SERTAD2: variants seen among roughly 807,000 people sequenced by gnomAD.
The protein encoded by SERTAD2 is SERTA domain-containing protein 2.
Under a neutral mutation model 15.4 loss-of-function variants are expected in SERTAD2, and 2 were observed. The ratio of observed to expected loss-of-function variants is 0.13; its 90% confidence interval spans 0.05 to 0.41. SERTAD2 has a LOEUF of 0.41. Among genes scored for constraint, SERTAD2 ranks in the 10% least tolerant of loss-of-function variants. The probability of loss-of-function intolerance (pLI) is 0.99; values close to 1 mark genes in which losing one functional copy is unlikely to be tolerated. For missense variants in SERTAD2, 333 were observed against 409.7 expected (o/e 0.81, Z 1.62); for synonymous variants, 180 against 178.0 (o/e 1.01, Z -0.09).
intron 1 of SERTAD2, 127 bp downstream of exon 1, chr2:64,653,493 G>C (rs1218707478): frequency 6.6e-6 from 1 of 152,314 alleles, no homozygotes; most frequent in Non-Finnish European, 1.5e-5. Context: ...CTCCCGCGGC[G>C]GCGCCCGGCC....
At chr2:64,637,931 G>A (rs754274237) in intron 1 of SERTAD2, among the ~76,000 whole-genome samples, 4 of 152,148 alleles carry the variant, frequency 2.6e-5, no homozygotes, top group East Asian at 1.9e-4. Flanking sequence ...ATGTGACATC[G>A]TCACAACCTC....
intron 1 of SERTAD2, among the ~76,000 whole-genome samples, chr2:64,652,217 AT>A (rs1453580362): frequency 6.6e-6 from 1 of 152,168 alleles, no homozygotes; most frequent in Admixed American, 6.5e-5. Context: ...TAGGATGGAT[AT>A]TTTCATCTTC....
chr2:64,641,317 A>G (rs1288932631), intron 1 of SERTAD2, among the ~76,000 whole-genome samples: 1 of 152,160 alleles, frequency 6.6e-6, no homozygotes, highest in Non-Finnish European at 1.5e-5. Context: ...GGGCTTTGCA[A>G]TTCCAGAATC....
chr2:64,647,597 A>C (rs958747275), intron 1 of SERTAD2, among the ~76,000 whole-genome samples: 2 of 152,132 alleles, frequency 1.3e-5, no homozygotes, highest in African/African-American at 4.8e-5. Context: ...GAGACCCTTA[A>C]TAAACAATGT....
intron 1 of SERTAD2, among the ~76,000 whole-genome samples, chr2:64,641,486 G>T (rs941177879): frequency 3.3e-5 from 5 of 152,178 alleles, no homozygotes; most frequent in Admixed American, 6.5e-5. Flanking sequence ...GCCCCCTAGG[G>T]CACAGACGGT....
At position 64,632,324 on chromosome 2, in the gene SERTAD2, GT is replaced by G. The variant is rs1335809786; in HGVS notation, c.*3602del. ...TAATTCATTGTTTACCACAAAGGTG[GT>G]TCATAAATTTAAGCTTTAAAAACGA... On this transcript the variant is annotated 3_prime_UTR_variant, in exon 2 of 2. Coordinates refer to ENST00000313349, the MANE Select transcript of SERTAD2 (RefSeq NM_014755.3). 1 of 151,490 alleles carries G rather than the reference GT, an allele frequency of 6.6e-6. No individual in the cohort carries two copies. Among genetic ancestry groups the G allele is most frequent in the African/African-American group, 2.4e-5 (1 of 41,054 alleles). 9.4% of individuals were successfully genotyped at this position (151,490 alleles called of 1,614,324 possible). A position where few individuals can be genotyped will look rare whatever the true frequency, so the allele number is the denominator to read the frequency against.
intron 1 of SERTAD2, among the ~76,000 whole-genome samples, chr2:64,649,865 G>A (rs1674973640): frequency 6.6e-6 from 1 of 152,182 alleles, no homozygotes; most frequent in African/African-American, 2.4e-5. Flanking sequence ...TCAGGGTGGA[G>A]GTGGGCCGGG....
At chr2:64,638,214 T>A (rs1460242579) in intron 1 of SERTAD2, among the ~76,000 whole-genome samples, 2 of 152,208 alleles carry the variant, frequency 1.3e-5, no homozygotes, top group African/African-American at 4.8e-5. Flanking sequence ...CAATTTCTCT[T>A]CTAAATGCCA....
intron 1 of SERTAD2, among the ~76,000 whole-genome samples, chr2:64,652,850 C>T (rs199728320): frequency 1.2e-5 from 1 of 83,400 alleles, no homozygotes; most frequent in Admixed American, 1.2e-4. Context: ...CTAAAGGTAA[C>T]TTATAGCCAA....
chr2:64,649,867 T>TG (rs1023341454), intron 1 of SERTAD2, among the ~76,000 whole-genome samples: 9 of 152,062 alleles, frequency 5.9e-5, no homozygotes, highest in African/African-American at 2.2e-4. Context: ...AGGGTGGAGG[T>TG]GGGCCGGGCA....
chr2:64,652,467 G>C (rs1478048044), intron 1 of SERTAD2, among the ~76,000 whole-genome samples: 1 of 152,174 alleles, frequency 6.6e-6, no homozygotes, highest in African/African-American at 2.4e-5. Flanking sequence ...TGAACACTTA[G>C]GGCCTCAGGA....
In SERTAD2 at chr2:64,635,814, TTTTC is replaced by T; in HGVS notation, c.*109_*112del. On this transcript the variant is annotated 3_prime_UTR_variant, in exon 2 of 2. Coordinates refer to ENST00000313349, the MANE Select transcript of SERTAD2 (RefSeq NM_014755.3). ...AAACTAGTGTGATCCTGTTGTAAAATTTTCTTTTTCTCTGAAAAAGGCAAGCAAG... is the reference window on the plus strand; with the variant it reads ...AAACTAGTGTGATCCTGTTGTAAAATTTTTTCTCTGAAAAAGGCAAGCAAG... The T allele has an allele frequency of 1.2e-6, 1 of 825,220 alleles. No homozygotes were observed. Among genetic ancestry groups the T allele is most frequent in the Non-Finnish European group, 1.9e-6 (1 of 516,454 alleles). The allele number at this position is 825,220 out of a possible 1,614,324, so 51.1% of individuals were successfully genotyped here.
chr2:64,647,097 T>C (rs1674917825), intron 1 of SERTAD2, among the ~76,000 whole-genome samples: 1 of 152,212 alleles, frequency 6.6e-6, no homozygotes, highest in Admixed American at 6.5e-5. Context: ...AATTATAAAA[T>C]GTAACACAGT....
intron 1 of SERTAD2, chr2:64,646,800 G>C (rs967492648): frequency 2.0e-5 from 3 of 152,196 alleles, no homozygotes; most frequent in Admixed American, 2.0e-4. Flanking sequence ...GAGGATTCCT[G>C]AAATGAGAAC....
At chr2:64,651,051 C>A (rs373238169) in intron 1 of SERTAD2, among the ~76,000 whole-genome samples, 28 of 152,316 alleles carry the variant, frequency 1.8e-4, no homozygotes, top group African/African-American at 6.7e-4. Context: ...TGCCAAGAAG[C>A]TTTAAAAATT....
Position 64,636,439 on chromosome 2 carries a change from T to C in SERTAD2, c.433A>G (p.Thr145Ala). Residue 145 changes from threonine to alanine, a missense_variant, in exon 2 of 2, where the codon ACC (threonine) becomes GCC (alanine). Physicochemically the swap from Thr to Ala is moderately conservative, Grantham distance 58. Coordinates refer to ENST00000313349, the MANE Select transcript of SERTAD2 (RefSeq NM_014755.3). Reference protein sequence around the residue: ...LLEDDDDTFCTSQAMQPTAPT... With the variant: ...LLEDDDDTFCASQAMQPTAPT... ...GCCGTGGGCTGCATGGCCTGGGAGG[T>C]GCAAAACGTGTCATCGTCGTCCTCG... 1 of 1,613,740 alleles carries C rather than the reference T, an allele frequency of 6.2e-7. No individual in the cohort carries two copies. The highest frequency in any genetic ancestry group is 8.5e-7 in the Non-Finnish European group (1 of 1,179,932).
At chr2:64,642,782 C>A (rs1674803147) in intron 1 of SERTAD2, among the ~76,000 whole-genome samples, 3 of 152,122 alleles carry the variant, frequency 2.0e-5, no homozygotes, top group African/African-American at 7.2e-5. Flanking sequence ...CCTCAGACCA[C>A]CAAGGCTGGC....
intron 1 of SERTAD2, among the ~76,000 whole-genome samples, chr2:64,640,350 AGACAC>A: frequency 6.6e-6 from 1 of 152,200 alleles, no homozygotes; most frequent in South Asian, 2.1e-4. Context: ...AAAGGAGAAA[AGACAC>A]GACATGCCCT....
At chr2:64,639,509 C>T (rs754999382) in intron 1 of SERTAD2, among the ~76,000 whole-genome samples, 3 of 152,108 alleles carry the variant, frequency 2.0e-5, no homozygotes, top group Non-Finnish European at 2.9e-5. Context: ...AAAATACAAC[C>T]GAAAACAAAC....
Sources: allele counts gnomAD v4.1 joint callset (sites outside exome capture counted in the v4.1 genomes callset), GRCh38; gene constraint gnomAD v4.1.1; transcripts MANE v1.5; gene names NCBI Gene and HGNC (gene_info 2026-07-23, HGNC 2026-07-21).